The following DNAH3 variants were observed in gnomAD, a reference collection of about 807,000 sequenced individuals.
DNAH3 encodes axonemal beta dynein heavy chain 3.
In DNAH3, 332 loss-of-function variants were observed where a neutral mutation model predicts 432.5. The ratio of observed to expected loss-of-function variants is 0.77; its 90% CI spans 0.70 to 0.84. The LOEUF is 0.84. DNAH3 is among the 40% of genes least tolerant of loss of function. The pLI is 0.00. For missense variants in DNAH3, 4,861 were observed against 5,114.0 expected, an observed-to-expected ratio of 0.95 and a Z score of 1.51; for synonymous variants, 1,956 against 1,900.2, an observed-to-expected ratio of 1.03 and a Z score of -0.76.
chr16:20,959,188 G>A (rs776617532), exon 54 of DNAH3: 4 of 1,613,986 alleles, frequency 2.5e-6, no homozygotes, highest in Admixed American at 3.3e-5. Context: ...CCTGAATCTG[G>A]CATTGGTGCT....
At chr16:21,015,144 C>T (rs1198892384) in intron 41 of DNAH3, among the ~76,000 whole-genome samples, 1 of 152,012 alleles carries the variant, frequency 6.6e-6, no homozygotes, top group African/African-American at 2.4e-5. Context: ...GCTTTAAGTA[C>T]CAAAAATTGT....
At chr16:21,153,673 C>G (rs1198662677) in intron 1 of DNAH3, among the ~76,000 whole-genome samples, 1 of 152,098 alleles carries the variant, frequency 6.6e-6, no homozygotes, top group South Asian at 2.1e-4. Context: ...GCCAGCGAGA[C>G]CAGAAACCCA....
At position 20,965,512 on chromosome 16, in the gene DNAH3, A is replaced by G. The variant is rs2085017414; in HGVS notation, c.8459-87T>C. ...GCAGTGGTTACTGCTGGTATTTGAG[A>G]AAAAACAAAAACAAAAACATGGTCT... On this transcript the variant is annotated intron_variant, in intron 52 of 61. Transcript: ENST00000261383. The G allele has an allele frequency of 1.1e-5, 13 of 1,197,382 alleles. No individual in the cohort carries two copies. In the South Asian group the frequency reaches 2.2e-4, roughly 21 times the overall value. 74.2% of individuals were successfully genotyped at this position (1,197,382 alleles called of 1,614,324 possible).
intron 29 of DNAH3, among the ~76,000 whole-genome samples, chr16:21,051,309 C>T (rs974815498): frequency 4.1e-4 from 62 of 152,152 alleles, no homozygotes; most frequent in Non-Finnish European, 1.5e-4. Flanking sequence ...GCATAGAGAC[C>T]CCTTGGCTAC....
rs1491240728 is a variant in DNAH3, at chr16:21,148,443, T to TTTA, written c.118-2356_118-2355insTAA. Among the ~76,000 whole-genome samples, 818 of 91,502 alleles carry TTTA rather than the reference T, an allele frequency of 8.9e-3. 9 individuals are homozygous for TTTA. Among genetic ancestry groups the TTTA allele is most frequent in the African/African-American group, 0.033 (780 of 23,946 alleles). The allele number at this position is 91,502 out of a possible 152,430, so 60.0% of individuals were successfully genotyped here. On this transcript the variant is annotated intron_variant, in intron 1 of 61. Transcript: ENST00000261383. ...TATTTATTATTATTATTATTATTTA[T>TTTA]TTTTTTTTTTTGAGTCCAAGTTTTC...
At chr16:20,954,976 G>T (rs2084495747) in exon 55 of DNAH3, 2 of 1,613,982 alleles carry the variant, frequency 1.2e-6, no homozygotes, top group African/African-American at 1.3e-5. Context: ...GGAGCCCTTT[G>T]GGGGGCTCAT....
At chr16:20,960,016 C>G (rs2084748318) in intron 53 of DNAH3, among the ~76,000 whole-genome samples, 1 of 151,922 alleles carries the variant, frequency 6.6e-6, no homozygotes, top group Non-Finnish European at 1.5e-5. Flanking sequence ...AAATAAGTCT[C>G]TCACTTCTCT....
At chr16:20,994,196 G>A (rs1267485580) in intron 44 of DNAH3, among the ~76,000 whole-genome samples, 2 of 152,042 alleles carry the variant, frequency 1.3e-5, no homozygotes, top group Non-Finnish European at 1.5e-5. Flanking sequence ...TTGGGAGGCC[G>A]AGGTGGGTGG....
chr16:21,075,150 G>A (rs1486621416), intron 21 of DNAH3, among the ~76,000 whole-genome samples: 1 of 152,142 alleles, frequency 6.6e-6, no homozygotes, highest in African/African-American at 2.4e-5. Context: ...TTGGAATGGT[G>A]TACAAGCCTG....
chr16:21,026,696 G>A lies in DNAH3; in HGVS notation c.5540+331C>T, dbSNP rs1461006297. 6.1e-5 allele frequency among the ~76,000 whole-genome samples: 6 copies of A among 98,716 alleles called. No individual in the cohort carries two copies. The East Asian group carries it at 1.3e-3, about 22-fold the overall frequency. The allele number at this position is 98,716 out of a possible 152,430, so 64.8% of individuals were successfully genotyped here. A position where few individuals can be genotyped will look rare whatever the true frequency, so the allele number is the denominator to read the frequency against. On this transcript the variant is annotated intron_variant, in intron 38 of 61. Transcript: ENST00000261383. ...AGCCTGGGTGACAGAGTGATACTCCGTCTCAAAAAAAAAAAAAAAAAAAAA... is the reference window on the plus strand; with the variant it reads ...AGCCTGGGTGACAGAGTGATACTCCATCTCAAAAAAAAAAAAAAAAAAAAA...
intron 46 of DNAH3, 34 bp downstream of exon 46, chr16:20,987,659 G>A (rs746492677): frequency 1.9e-6 from 3 of 1,608,204 alleles, no homozygotes; most frequent in East Asian, 2.2e-5. Flanking sequence ...AGGATATGCT[G>A]AATGATCTTG....
At chr16:20,959,511 T>G (rs1344903255) in intron 53 of DNAH3, 107 bp from the exon 54 acceptor site, 2 of 1,140,936 alleles carry the variant, frequency 1.8e-6, no homozygotes, top group Non-Finnish European at 1.3e-6. Context: ...GGCTCACACC[T>G]GTAATCCCAA....
rs370924821 is a variant in DNAH3 at position 20,982,236 on chromosome 16, T to C, written c.7859+485A>G. ...CCATATCTAGTAAAAATATAAAAAT[T>C]AGCTGGACGTGATGGCAGGTGCCTG... On this transcript the variant is annotated intron_variant, in intron 49 of 61. Coordinates refer to ENST00000261383, the Ensembl canonical transcript of DNAH3. Among the ~76,000 whole-genome samples, 7 of 151,776 alleles carry C rather than the reference T, an allele frequency of 4.6e-5. No individual in the cohort carries two copies. The South Asian group carries it at 6.2e-4, about 14-fold the overall frequency.
intron 32 of DNAH3, among the ~76,000 whole-genome samples, chr16:21,040,912 GT>G (rs2089414773): frequency 6.6e-6 from 1 of 152,158 alleles, no homozygotes; most frequent in Admixed American, 6.6e-5. Context: ...ACTTGCCTGA[GT>G]CACCCAGTTA....
chr16:20,997,861 T>C (rs2086831418), intron 43 of DNAH3, among the ~76,000 whole-genome samples: 1 of 129,648 alleles, frequency 7.7e-6, no homozygotes, highest in African/African-American at 3.1e-5. Context: ...AAAAAAAAAT[T>C]AGTCAGGCAT....
intron 3 of DNAH3, among the ~76,000 whole-genome samples, chr16:21,143,904 T>C (rs892307798): frequency 1.3e-5 from 2 of 152,042 alleles, no homozygotes; most frequent in African/African-American, 4.8e-5. Flanking sequence ...TCATTAGACA[T>C]GAAAAACTCA....
chr16:21,061,365 C>G (rs557211373), intron 25 of DNAH3, among the ~76,000 whole-genome samples: 34 of 150,458 alleles, frequency 2.3e-4, no homozygotes, highest in Non-Finnish European at 4.1e-4. Context: ...CCTCCCAAGT[C>G]GCTGGGATTA....
At chr16:21,129,328 G>A in intron 7 of DNAH3, 1 of 152,822 alleles carries the variant, frequency 6.5e-6, no homozygotes, top group Non-Finnish European at 1.5e-5. Context: ...TCCAGCCTTG[G>A]CTCAAATGTC....
chr16:21,076,216 TG>T (rs1488421158), intron 20 of DNAH3, among the ~76,000 whole-genome samples: 1 of 152,080 alleles, frequency 6.6e-6, no homozygotes. Flanking sequence ...GTCATGAGGG[TG>T]GGCCTTAATC....
Sources: gnomAD v4.1 joint callset for allele counts (sites outside exome capture counted in the v4.1 genomes callset) on GRCh38, gnomAD v4.1.1 for gene constraint, MANE v1.5 for transcripts, NCBI Gene and HGNC (gene_info 2026-07-23, HGNC 2026-07-21) for gene names.